CFDP1: variants seen among roughly 807,000 people sequenced by gnomAD.
The protein encoded by CFDP1 is heterochromatin-stabilizing protein CFDP1.
Under a neutral mutation model 40.1 loss-of-function variants are expected in CFDP1, and 31 were observed. That is an observed-to-expected ratio of 0.77 (90% CI 0.58 to 1.04). The LOEUF is 1.04. Among genes scored for constraint, CFDP1 ranks in the 50% least tolerant of loss-of-function variants. The probability of loss-of-function intolerance (pLI) is 0.00; values close to 1 mark genes in which losing one functional copy is unlikely to be tolerated. For synonymous variants in CFDP1, 167 were observed against 120.0 expected, an observed-to-expected ratio of 1.39 and a Z score of -2.56; for missense variants, 423 against 343.4, an observed-to-expected ratio of 1.23 and a Z score of -1.83.
At chr16:75,395,889 A>T (rs1018485078) in intron 4 of CFDP1, among the ~76,000 whole-genome samples, 2 of 150,522 alleles carry the variant, frequency 1.3e-5, no homozygotes, top group African/African-American at 4.9e-5. Context: ...TAAAGGTTCA[A>T]ATAAAGGTGT....
intron 1 of CFDP1, among the ~76,000 whole-genome samples, chr16:75,420,720 G>A (rs1303721082): frequency 1.3e-5 from 2 of 152,156 alleles, no homozygotes; most frequent in African/African-American, 2.4e-5. Context: ...GTTGAAAAGC[G>A]ATGTGAGTAA....
At chr16:75,339,616 T>C (rs566002574) in intron 5 of CFDP1, among the ~76,000 whole-genome samples, 1 of 152,376 alleles carries the variant, frequency 6.6e-6, no homozygotes, top group East Asian at 1.9e-4. Flanking sequence ...GCAGGGCTTC[T>C]GGACTCTGAC....
At chr16:75,294,183 AACC>A in intron 6 of CFDP1, 141 bp from the exon 7 acceptor site, 2 of 608,880 alleles carry the variant, frequency 3.3e-6, no homozygotes, top group Non-Finnish European at 5.8e-6. Flanking sequence ...GTACAATCCA[AACC>A]ACTCACATTT....
intron 5 of CFDP1, among the ~76,000 whole-genome samples, chr16:75,350,126 T>C (rs962774896): frequency 6.6e-6 from 1 of 152,222 alleles, no homozygotes; most frequent in African/African-American, 2.4e-5. Flanking sequence ...TGGACATACA[T>C]TTTGTTCATC....
intron 5 of CFDP1, among the ~76,000 whole-genome samples, chr16:75,313,517 T>C (rs536966289): frequency 2.6e-5 from 4 of 152,226 alleles, no homozygotes; most frequent in African/African-American, 7.2e-5. Context: ...TTAGTAGTGA[T>C]AGGGTTTTGC....
intron 5 of CFDP1, among the ~76,000 whole-genome samples, chr16:75,378,203 C>T (rs1233577500): frequency 6.6e-6 from 1 of 152,048 alleles, no homozygotes; most frequent in Non-Finnish European, 1.5e-5. Context: ...ACTTCTACAA[C>T]TAGAGGACAA....
At chr16:75,360,158 T>A (rs2078672063) in intron 5 of CFDP1, among the ~76,000 whole-genome samples, 1 of 152,190 alleles carries the variant, frequency 6.6e-6, no homozygotes, top group South Asian at 2.1e-4. Flanking sequence ...TCCCAAAAAG[T>A]GCTGGGATTA....
At chr16:75,370,348 C>T (rs1291501829) in intron 5 of CFDP1, among the ~76,000 whole-genome samples, 2 of 152,058 alleles carry the variant, frequency 1.3e-5, no homozygotes, top group African/African-American at 4.8e-5. Flanking sequence ...TGACCTTGGC[C>T]TCCCAAAGTG....
At chr16:75,336,541 C>T (rs2078488774) in intron 5 of CFDP1, among the ~76,000 whole-genome samples, 1 of 152,238 alleles carries the variant, frequency 6.6e-6, no homozygotes, top group Admixed American at 6.5e-5. Flanking sequence ...AATGCATATA[C>T]CCCTCTTTAA....
chr16:75,362,354 G>A (rs949703186), intron 5 of CFDP1, among the ~76,000 whole-genome samples: 4 of 152,164 alleles, frequency 2.6e-5, no homozygotes, highest in African/African-American at 4.8e-5. Flanking sequence ...AAGGCAAGGG[G>A]GGTCAAGTTT....
At chr16:75,362,627 G>A (rs1048602301) in intron 5 of CFDP1, among the ~76,000 whole-genome samples, 10 of 152,042 alleles carry the variant, frequency 6.6e-5, no homozygotes, top group East Asian at 1.9e-4. Context: ...AGGTACCCTC[G>A]AGAACACTAC....
rs1000923808 is a variant in CFDP1, at chr16:75,356,820, C to A, written c.650+38270G>T. Among the ~76,000 whole-genome samples the A allele has an allele frequency of 2.0e-5, 3 of 152,116 alleles. No individual in the cohort carries two copies. In the East Asian group the frequency reaches 5.8e-4, roughly 29 times the overall value. ...TAGCCACCTTCATCAATTATCTTAGCTGGATCTTCTAAATAACTTACTGCA... is the reference window on the plus strand; with the variant it reads ...TAGCCACCTTCATCAATTATCTTAGATGGATCTTCTAAATAACTTACTGCA... On this transcript the variant is annotated intron_variant, in intron 5 of 6. Transcript: ENST00000283882.
chr16:75,296,631 C>T (rs1489288372), intron 6 of CFDP1, among the ~76,000 whole-genome samples: 1 of 152,210 alleles, frequency 6.6e-6, no homozygotes, highest in African/African-American at 2.4e-5. Flanking sequence ...TTGGGTCCAG[C>T]TGACTTTGAG....
At chr16:75,405,070 C>G (rs894899085) in intron 4 of CFDP1, among the ~76,000 whole-genome samples, 18 of 152,128 alleles carry the variant, frequency 1.2e-4, no homozygotes, top group Non-Finnish European at 2.2e-4. Flanking sequence ...GAAACTTGTT[C>G]AGCAATTTGA....
intron 4 of CFDP1, among the ~76,000 whole-genome samples, chr16:75,406,983 TGTACTCCA>T (rs1405375115): frequency 1.3e-5 from 2 of 152,204 alleles, no homozygotes; most frequent in Non-Finnish European, 2.9e-5. Flanking sequence ...ATCACGCCAC[TGTACTCCA>T]GCTTGGGTGA....
intron 5 of CFDP1, among the ~76,000 whole-genome samples, chr16:75,352,938 ATC>A (rs2078622779): frequency 1.3e-5 from 2 of 152,186 alleles, no homozygotes; most frequent in African/African-American, 2.4e-5. Flanking sequence ...TGAAATTGAA[ATC>A]TGATTGTCTT....
chr16:75,306,029 C>T (rs748800955), intron 5 of CFDP1, among the ~76,000 whole-genome samples: 5 of 152,076 alleles, frequency 3.3e-5, no homozygotes, highest in Non-Finnish European at 5.9e-5. Context: ...AAGCAAAATG[C>T]AGTTAAGATG....
chr16:75,381,034 C>A (rs1178108316), intron 5 of CFDP1, among the ~76,000 whole-genome samples: 1 of 152,186 alleles, frequency 6.6e-6, no homozygotes, highest in Non-Finnish European at 1.5e-5. Flanking sequence ...CAAATTACCC[C>A]AGCAGTGGCA....
At chr16:75,420,276 T>C (rs942377656) in intron 1 of CFDP1, among the ~76,000 whole-genome samples, 1 of 152,200 alleles carries the variant, frequency 6.6e-6, no homozygotes, top group Non-Finnish European at 1.5e-5. Context: ...GTCACCACTA[T>C]AGTTATCAAC....
Sources: allele counts gnomAD v4.1 joint callset (sites outside exome capture counted in the v4.1 genomes callset), GRCh38; gene constraint gnomAD v4.1.1; transcripts MANE v1.5; gene names NCBI Gene and HGNC (gene_info 2026-07-23, HGNC 2026-07-21).